The following LRRC55 variants were observed in gnomAD, a reference collection of about 807,000 sequenced individuals.
The protein encoded by LRRC55 is leucine rich repeat containing 55, also known as leucine-rich repeat-containing protein 55.
Under a neutral mutation model 20.5 loss-of-function variants are expected in LRRC55, and 11 were observed. The observed-to-expected ratio is 0.54, with a 90% CI of 0.34 to 0.89. The LOEUF is 0.89. Ranked by LOEUF, LRRC55 falls within the 40% of genes least tolerant of loss-of-function variation. The probability of loss-of-function intolerance (pLI) is 0.02; values close to 1 mark genes in which losing one functional copy is unlikely to be tolerated. For synonymous variants in LRRC55, 188 were observed against 166.6 expected, an observed-to-expected ratio of 1.13 and a Z score of -0.99; for missense variants, 358 against 390.9, an observed-to-expected ratio of 0.92 and a Z score of 0.71.
Position 57,182,616 on chromosome 11 carries a change from GGTGT to G in LRRC55, c.598_601del (p.Cys200AlafsTer8). ...CCCTGCAGATCGGTGGCAATCCCTG[GGTGT>G]GTGGCTGCACCATGGAACCCCTGCT... On this transcript the variant is annotated frameshift_variant, in exon 1 of 2. Coordinates refer to ENST00000497933, the MANE Select transcript of LRRC55 (RefSeq NM_001005210.4). LOFTEE classifies it high-confidence loss of function. 6.6e-7 allele frequency: 1 copy of G among 1,524,958 alleles called. No homozygotes were observed. The highest frequency in any genetic ancestry group is 8.8e-7 in the Non-Finnish European group (1 of 1,137,678). The allele number at this position is 1,524,958 out of a possible 1,614,324, so 94.5% of individuals were successfully genotyped here.
chr11:57,182,249 G>T lies in LRRC55; in HGVS notation c.227G>T (p.Arg76Leu), dbSNP rs199776412. ...DTRNLSLAHN[R>L]ITAVPPGYLT... The stretch of plus-strand genomic sequence containing the variant: ...CGAAACCTCAGCCTGGCCCACAACC[G>T]CATCACAGCAGTGCCGCCTGGCTAC... Residue 76 changes from arginine (R) to leucine (L), a missense_variant, in exon 1 of 2, where the codon CGC (arginine) becomes CTC (leucine). By Grantham distance (102) the Arg-to-Leu change is moderately radical. Around this residue, in one of 3 missense-constraint regions of LRRC55, gnomAD observed 175 missense variants for 164.5 expected, o/e 1.06. Transcript: ENST00000497933. The T allele has an allele frequency of 1.2e-6, 2 of 1,614,146 alleles. No homozygotes were observed. Among genetic ancestry groups the T allele is most frequent in the Middle Eastern group, 1.6e-4 (1 of 6,062 alleles).
intron 1 of LRRC55, among the ~76,000 whole-genome samples, chr11:57,183,468 G>A (rs1449786979): frequency 1.3e-5 from 2 of 152,178 alleles, no homozygotes; most frequent in Admixed American, 1.3e-4. Context: ...GAGGCACAGA[G>A]AGGTTCAGTA....
chr11:57,185,560 C>T (rs1224057561), intron 1 of LRRC55, among the ~76,000 whole-genome samples: 1 of 151,992 alleles, frequency 6.6e-6, no homozygotes, highest in East Asian at 1.9e-4. Flanking sequence ...GCTGGGATTA[C>T]AGGCATGAGC....
intron 1 of LRRC55, among the ~76,000 whole-genome samples, chr11:57,184,971 G>C (rs1465420568): frequency 6.6e-6 from 1 of 152,168 alleles, no homozygotes; most frequent in African/African-American, 2.4e-5. Flanking sequence ...AGCCCAGAGA[G>C]GATCCTGGCC....
rs1479040477 is a variant in LRRC55, at chr11:57,191,566, A to T, written c.*4086A>T. ...TCTAAGCACTGTCCTGTAATGTGCTAATGTCTGGGGGTGGGAGGGCTGGGG... is the reference window on the plus strand; with the variant it reads ...TCTAAGCACTGTCCTGTAATGTGCTTATGTCTGGGGGTGGGAGGGCTGGGG... On this transcript the variant is annotated 3_prime_UTR_variant, in exon 2 of 2. Transcript: ENST00000497933. The T allele has an allele frequency of 7.7e-6, 1 of 129,470 alleles. No individual in the cohort carries two copies. Among genetic ancestry groups the T allele is most frequent in the African/African-American group, 2.9e-5 (1 of 34,292 alleles). 8.0% of individuals were successfully genotyped at this position (129,470 alleles called of 1,614,324 possible). A position where few individuals can be genotyped will look rare whatever the true frequency, so the allele number is the denominator to read the frequency against.
Position 57,187,329 on chromosome 11 carries a change from G to C in LRRC55, c.746G>C (p.Cys249Ser). ...CTCACTGAGGAGAGCTTCAAGGCCT[G>C]CCACCTGACCCTGACCCTGGATGAT... ...FSLTEESFKA[C>S]HLTLTLDDYL... The change falls in exon 2 of 2, where the codon TGC becomes TCC. Residue 249 changes from cysteine (C) to serine (S), a missense_variant. By Grantham distance (112) the Cys-to-Ser change is moderately radical. Coordinates refer to ENST00000497933, the MANE Select transcript of LRRC55 (RefSeq NM_001005210.4). The C allele has an allele frequency of 6.2e-7, 1 of 1,614,186 alleles. No homozygotes were observed. Among genetic ancestry groups the C allele is most frequent in the Middle Eastern group, 1.6e-4 (1 of 6,062 alleles).
At position 57,189,193 on chromosome 11, in the gene LRRC55, A is replaced by G. The variant is rs1854475715; in HGVS notation, c.*1713A>G. 1 of 152,220 alleles carries G rather than the reference A, an allele frequency of 6.6e-6. No individual in the cohort carries two copies. The highest frequency in any genetic ancestry group is 2.1e-4 in the South Asian group (1 of 4,828). 9.4% of individuals were successfully genotyped at this position (152,220 alleles called of 1,614,324 possible). A position where few individuals can be genotyped will look rare whatever the true frequency, so the allele number is the denominator to read the frequency against. On this transcript the variant is annotated 3_prime_UTR_variant, in exon 2 of 2. Coordinates refer to ENST00000497933, the MANE Select transcript of LRRC55 (RefSeq NM_001005210.4). Reference sequence around the variant, plus strand: ...TCAAACATCAGTAATCCTGTTTTACAGATGGGGAAAAAAGTCTCAAGGTTG... The same window carrying G: ...TCAAACATCAGTAATCCTGTTTTACGGATGGGGAAAAAAGTCTCAAGGTTG...
intron 1 of LRRC55, among the ~76,000 whole-genome samples, 194 bp downstream of exon 1, chr11:57,182,877 G>A (rs983196434): frequency 5.9e-5 from 9 of 152,258 alleles, no homozygotes; most frequent in Middle Eastern, 6.8e-3. Flanking sequence ...AGGCACCGAG[G>A]GCCCATTCAT....
intron 1 of LRRC55, among the ~76,000 whole-genome samples, chr11:57,184,596 A>G (rs1182711775): frequency 6.6e-6 from 1 of 152,224 alleles, no homozygotes; most frequent in East Asian, 1.9e-4. Flanking sequence ...GTGGAGGCAG[A>G]ACTAGGTGAT....
In LRRC55 at chr11:57,191,039, C is replaced by G. The variant is rs1854503161; in HGVS notation, c.*3559C>G. 1 of 152,162 alleles carries G rather than the reference C, an allele frequency of 6.6e-6. No homozygotes were observed. The highest frequency in any genetic ancestry group is 1.5e-5 in the Non-Finnish European group (1 of 68,038). The allele number at this position is 152,162 out of a possible 1,614,324, so 9.4% of individuals were successfully genotyped here. A position where few individuals can be genotyped will look rare whatever the true frequency, so the allele number is the denominator to read the frequency against. On this transcript the variant is annotated 3_prime_UTR_variant, in exon 2 of 2. Coordinates refer to ENST00000497933, the MANE Select transcript of LRRC55 (RefSeq NM_001005210.4). ...AGAGGATATCAAAGTTTAGTTTGGT[C>G]AAGATTTGGGCCAAGAAAATTCCTT...
At chr11:57,182,771 G>C (rs1854380015) in intron 1 of LRRC55, 88 bp downstream of exon 1, 2 of 1,337,750 alleles carry the variant, frequency 1.5e-6, no homozygotes, top group South Asian at 2.2e-5. Context: ...GGAACTTAGA[G>C]CCAGAAAGCA....
chr11:57,182,105 G>A lies in LRRC55; in HGVS notation c.83G>A (p.Gly28Glu), dbSNP rs142256723. The change falls in exon 1 of 2, where the codon GGG becomes GAG. Residue 28 changes from glycine (G) to glutamate (E), a missense_variant. Coordinates refer to ENST00000497933, the MANE Select transcript of LRRC55 (RefSeq NM_001005210.4). ...MLLISLLLAA[G>E]LMHSDAGTSC... ...CTGATCTCCCTCCTCTTGGCAGCCGGGTTGATGCACTCGGATGCCGGCACC... is the reference window on the plus strand; with the variant it reads ...CTGATCTCCCTCCTCTTGGCAGCCGAGTTGATGCACTCGGATGCCGGCACC... 6.2e-7 allele frequency: 1 copy of A among 1,614,140 alleles called. No individual in the cohort carries two copies. Among genetic ancestry groups the A allele is most frequent in the Non-Finnish European group, 8.5e-7 (1 of 1,180,026 alleles).
Position 57,189,357 on chromosome 11 carries a change from C to T in LRRC55, c.*1877C>T, listed in dbSNP as rs969748923. On this transcript the variant is annotated 3_prime_UTR_variant, in exon 2 of 2. Coordinates refer to ENST00000497933, the MANE Select transcript of LRRC55 (RefSeq NM_001005210.4). ...CTGGAATTCAGCATCCATGAATGTGCTAGTGGATAAGCTAAATAGAAGGCA... is the reference window on the plus strand; with the variant it reads ...CTGGAATTCAGCATCCATGAATGTGTTAGTGGATAAGCTAAATAGAAGGCA... The T allele has an allele frequency of 6.6e-6, 1 of 152,198 alleles. No individual in the cohort carries two copies. Among genetic ancestry groups the T allele is most frequent in the African/African-American group, 2.4e-5 (1 of 41,424 alleles). 9.4% of individuals were successfully genotyped at this position (152,198 alleles called of 1,614,324 possible). A position where few individuals can be genotyped will look rare whatever the true frequency, so the allele number is the denominator to read the frequency against.
At chr11:57,187,003 A>G (rs1055560837) in intron 1 of LRRC55, among the ~76,000 whole-genome samples, 9 of 152,238 alleles carry the variant, frequency 5.9e-5, no homozygotes, top group Admixed American at 3.3e-4. Context: ...GGTCACAGCC[A>G]GATGACTTTC....
At chr11:57,185,996 T>C (rs1007449579) in intron 1 of LRRC55, among the ~76,000 whole-genome samples, 6 of 150,906 alleles carry the variant, frequency 4.0e-5, no homozygotes, top group African/African-American at 1.5e-4. Flanking sequence ...ATAATATATG[T>C]TATATATTAT....
rs1381857919 is a variant in LRRC55, at chr11:57,190,980, G to C, written c.*3500G>C. On this transcript the variant is annotated 3_prime_UTR_variant, in exon 2 of 2. Coordinates refer to ENST00000497933, the MANE Select transcript of LRRC55 (RefSeq NM_001005210.4). The stretch of plus-strand genomic sequence containing the variant: ...GCTCTCTCCTGCGCCTCAGAGACTT[G>C]TCCCCATTGCAGAAGCTTCCTCCAT... 1 of 152,092 alleles carries C rather than the reference G, an allele frequency of 6.6e-6. No homozygotes were observed. Among genetic ancestry groups the C allele is most frequent in the East Asian group, 1.9e-4 (1 of 5,176 alleles). 9.4% of individuals were successfully genotyped at this position (152,092 alleles called of 1,614,324 possible). A position where few individuals can be genotyped will look rare whatever the true frequency, so the allele number is the denominator to read the frequency against.
chr11:57,182,896 T>C (rs1854382225), intron 1 of LRRC55, among the ~76,000 whole-genome samples: 1 of 152,170 alleles, frequency 6.6e-6, no homozygotes, highest in African/African-American at 2.4e-5. Context: ...ATTCATTAAA[T>C]AGATGTCCCT....
intron 1 of LRRC55, among the ~76,000 whole-genome samples, chr11:57,184,741 G>C (rs1002139966): frequency 6.6e-6 from 1 of 152,194 alleles, no homozygotes; most frequent in African/African-American, 2.4e-5. Flanking sequence ...CATGACTTTA[G>C]GACTGGTGCC....
intron 1 of LRRC55, among the ~76,000 whole-genome samples, chr11:57,183,753 C>T (rs560952775): frequency 5.3e-5 from 8 of 152,290 alleles, no homozygotes; most frequent in East Asian, 3.9e-4. Context: ...GACTGAGATG[C>T]GGCAACTCAA....
Sources: allele counts gnomAD v4.1 joint callset (sites outside exome capture counted in the v4.1 genomes callset), GRCh38; gene constraint gnomAD v4.1.1; regional missense constraint gnomAD v4.1.1; transcripts MANE v1.5; gene names NCBI Gene and HGNC (gene_info 2026-07-23, HGNC 2026-07-21).